Variants in WDR59 observed in about 807,000 individuals in gnomAD.
WDR59 encodes WD repeat domain 59.
WDR59 carries 100 observed loss-of-function variants against 131.2 expected under a neutral mutation model. The ratio of observed to expected loss-of-function variants is 0.76; its 90% confidence interval spans 0.65 to 0.90. The LOEUF (loss-of-function observed/expected upper bound fraction) is 0.90. WDR59 is among the 40% of genes least tolerant of loss of function. The pLI is 0.00. For synonymous variants in WDR59, 601 were observed against 466.2 expected (o/e 1.29, Z -3.72); for missense variants, 1,203 against 1,262.2 (o/e 0.95, Z 0.71).
At chr16:74,917,416 T>C (rs1025385786) in intron 11 of WDR59, among the ~76,000 whole-genome samples, 4 of 152,212 alleles carry the variant, frequency 2.6e-5, no homozygotes, top group Non-Finnish European at 5.9e-5. Context: ...TTAGAGGCTC[T>C]CTGGCCTTAA....
At chr16:74,946,104 A>G (rs6564185) in intron 6 of WDR59, among the ~76,000 whole-genome samples, 102,805 of 151,964 alleles carry the variant, frequency 0.68, 36,021 homozygotes, top group East Asian at 0.9. Flanking sequence ...GTGAGCCACC[A>G]CACCCGGCCA....
At chr16:74,897,023 C>G (rs190916085) in intron 18 of WDR59, among the ~76,000 whole-genome samples, 1 of 152,298 alleles carries the variant, frequency 6.6e-6, no homozygotes, top group Non-Finnish European at 1.5e-5. Flanking sequence ...ATATTAAAAA[C>G]TAATAAATAA....
chr16:74,872,673 C>A lies in WDR59; in HGVS notation c.*1536G>T, dbSNP rs73603916. 1.3e-5 allele frequency: 2 copies of A among 151,956 alleles called. No individual in the cohort carries two copies. Among genetic ancestry groups the A allele is most frequent in the African/African-American group, 4.8e-5 (2 of 41,312 alleles). 9.4% of individuals were successfully genotyped at this position (151,956 alleles called of 1,614,324 possible). A position where few individuals can be genotyped will look rare whatever the true frequency, so the allele number is the denominator to read the frequency against. ...AACACAGGCAAACACAGGCAGTTTGCGAGGGAGCCTAAAGGAAGAGTGAGG... is the reference window on the plus strand; with the variant it reads ...AACACAGGCAAACACAGGCAGTTTGAGAGGGAGCCTAAAGGAAGAGTGAGG... On this transcript the variant is annotated 3_prime_UTR_variant, in exon 26 of 26. Coordinates refer to ENST00000262144, the MANE Select transcript of WDR59 (RefSeq NM_030581.4).
chr16:74,938,326 C>T (rs1452012780), intron 7 of WDR59, 60 bp from the exon 8 acceptor site: 23 of 1,206,286 alleles, frequency 1.9e-5, no homozygotes, highest in Admixed American at 8.4e-5. Context: ...GTGTCTATCA[C>T]GTAAAAGTCT....
chr16:74,892,550 A>G lies in WDR59; in HGVS notation c.2016T>C (p.Asp672=), dbSNP rs749759549. The change falls in exon 20 of 26, where the codon GAT becomes GAC. Residue 672 remains aspartate (D), a synonymous_variant. Transcript: ENST00000262144. ...LGELYILNVN[D]IQETCQKNAA... ...CATTCTTCTGACATGTTTCCTGAAT[A>G]TCATTCACATTCAATCTGAAATTTT... 2 of 1,613,630 alleles carry G rather than the reference A, an allele frequency of 1.2e-6. No individual in the cohort carries two copies. The highest frequency in any genetic ancestry group is 1.7e-5 in the Admixed American group (1 of 60,014).
intron 1 of WDR59, among the ~76,000 whole-genome samples, chr16:74,969,431 C>A (rs1462947975): frequency 1.3e-5 from 2 of 151,966 alleles, no homozygotes; most frequent in Non-Finnish European, 2.9e-5. Flanking sequence ...TGCCACTACG[C>A]TCGGCTAATT....
chr16:74,886,045 G>A (rs372312753), intron 24 of WDR59: 9 of 656,216 alleles, frequency 1.4e-5, no homozygotes, highest in African/African-American at 9.1e-5. Flanking sequence ...AGTCATGGTG[G>A]CGTGTGCCTG....
At chr16:74,984,487 G>C (rs1222182482) in intron 1 of WDR59, 1 of 187,524 alleles carries the variant, frequency 5.3e-6, no homozygotes, top group African/African-American at 2.3e-5. Context: ...ATGGCATTAA[G>C]AACCACTTAA....
intron 1 of WDR59, among the ~76,000 whole-genome samples, chr16:74,973,855 G>A (rs1328316951): frequency 6.6e-6 from 1 of 151,938 alleles, no homozygotes; most frequent in African/African-American, 2.4e-5. Flanking sequence ...GGCCAACATG[G>A]TGATACCCTG....
intron 25 of WDR59, among the ~76,000 whole-genome samples, chr16:74,881,770 G>A (rs371438491): frequency 2.6e-5 from 4 of 151,578 alleles, no homozygotes; most frequent in African/African-American, 9.7e-5. Context: ...CTACTCAGGA[G>A]GCTGAGGTAG....
intron 21 of WDR59, among the ~76,000 whole-genome samples, chr16:74,888,970 C>T (rs1458161581): frequency 6.6e-6 from 1 of 152,206 alleles, no homozygotes; most frequent in Non-Finnish European, 1.5e-5. Flanking sequence ...TCCTATCACT[C>T]AATGTCTAAT....
intron 5 of WDR59, 26 bp from the exon 6 acceptor site, chr16:74,948,582 A>G: frequency 6.2e-7 from 1 of 1,600,590 alleles, no homozygotes; most frequent in Non-Finnish European, 8.6e-7. Context: ...AAAAAATCAA[A>G]TCCCCAATTT....
intron 1 of WDR59, among the ~76,000 whole-genome samples, chr16:74,983,730 C>T (rs993572690): frequency 6.6e-6 from 1 of 152,006 alleles, no homozygotes; most frequent in Non-Finnish European, 1.5e-5. Context: ...AATCCCAACA[C>T]TTTGGGACGC....
At chr16:74,954,203 G>C (rs1240964720) in intron 3 of WDR59, among the ~76,000 whole-genome samples, 1 of 152,092 alleles carries the variant, frequency 6.6e-6, no homozygotes, top group African/African-American at 2.4e-5. Flanking sequence ...GAGGTCGAGA[G>C]TTTGAGACCA....
Position 74,910,249 on chromosome 16 carries a change from T to C in WDR59, c.1390-332A>G, listed in dbSNP as rs1234709866. On this transcript the variant is annotated intron_variant, in intron 14 of 25. Coordinates refer to ENST00000262144, the MANE Select transcript of WDR59 (RefSeq NM_030581.4). ...TCCCAAAGTGCTGGGATTACAGACA[T>C]GAGCCACTGCGCCCGGCCCTGATTG... Among the ~76,000 whole-genome samples the C allele has an allele frequency of 2.0e-5, 3 of 152,164 alleles. No individual in the cohort carries two copies. In the East Asian group the frequency reaches 5.8e-4, roughly 29 times the overall value.
intron 10 of WDR59, among the ~76,000 whole-genome samples, chr16:74,919,337 T>G (rs1050273934): frequency 6.7e-6 from 1 of 148,918 alleles, no homozygotes; most frequent in Non-Finnish European, 1.5e-5. Flanking sequence ...TTTTTTTAAT[T>G]TTTTGTATTT....
intron 18 of WDR59, among the ~76,000 whole-genome samples, chr16:74,897,833 G>C (rs1456231667): frequency 6.6e-6 from 1 of 152,206 alleles, no homozygotes; most frequent in African/African-American, 2.4e-5. Context: ...GTGTTGGTTA[G>C]TGGTTTTTAA....
chr16:74,976,668 T>C (rs191102416), intron 1 of WDR59, among the ~76,000 whole-genome samples: 42 of 152,268 alleles, frequency 2.8e-4, no homozygotes, highest in Admixed American at 1.3e-3. Context: ...GTCTCGATCT[T>C]CTGACCTTGT....
intron 1 of WDR59, among the ~76,000 whole-genome samples, chr16:74,984,074 C>A (rs2034529058): frequency 6.6e-6 from 1 of 151,988 alleles, no homozygotes; most frequent in Non-Finnish European, 1.5e-5. Context: ...GTCAGGAGTT[C>A]AAGACCAGCC....
Sources: allele counts gnomAD v4.1 joint callset (sites outside exome capture counted in the v4.1 genomes callset), GRCh38; gene constraint gnomAD v4.1.1; transcripts MANE v1.5; gene names NCBI Gene and HGNC (gene_info 2026-07-23, HGNC 2026-07-21).